The following SUSD4 variants were observed in gnomAD, a reference collection of about 807,000 sequenced individuals.
The protein encoded by SUSD4 is sushi domain containing 4.
In SUSD4, 41 loss-of-function variants were observed where a neutral mutation model predicts 50.5. The observed-to-expected ratio is 0.81, with a 90% CI of 0.63 to 1.05. The LOEUF (loss-of-function observed/expected upper bound fraction) is 1.05, where lower values mean the gene tolerates loss of function less well. SUSD4 is among the 50% of genes least tolerant of loss of function. The probability of loss-of-function intolerance (pLI) is 0.00; values close to 1 mark genes in which losing one functional copy is unlikely to be tolerated. For synonymous variants in SUSD4, 257 were observed against 257.3 expected (o/e 1.00, Z 0.01); for missense variants, 580 against 634.7 (o/e 0.91, Z 0.93).
chr1:223,262,255 A>T (rs899430305), intron 5 of SUSD4, among the ~76,000 whole-genome samples: 1 of 152,202 alleles, frequency 6.6e-6, no homozygotes, highest in African/African-American at 2.4e-5. Context: ...AGAACTGTCC[A>T]CACCATTACT....
At chr1:223,269,744 T>C (rs76028493) in intron 3 of SUSD4, among the ~76,000 whole-genome samples, 6,057 of 152,316 alleles carry the variant, frequency 0.04, 401 homozygotes, top group African/African-American at 0.14. Flanking sequence ...TTGTGAATCA[T>C]AGAAATTTCC....
chr1:223,246,075 A>G (rs1660903527), intron 5 of SUSD4, among the ~76,000 whole-genome samples: 1 of 152,158 alleles, frequency 6.6e-6, no homozygotes, highest in Non-Finnish European at 1.5e-5. Flanking sequence ...AATAATCTTT[A>G]CAGCCACGGG....
At chr1:223,336,593 C>T (rs1221656824) in intron 2 of SUSD4, among the ~76,000 whole-genome samples, 1 of 152,118 alleles carries the variant, frequency 6.6e-6, no homozygotes, top group Non-Finnish European at 1.5e-5. Context: ...GAATTCATGC[C>T]TGTGTCTTAT....
At chr1:223,247,912 G>A (rs1218389439) in intron 5 of SUSD4, among the ~76,000 whole-genome samples, 1 of 152,220 alleles carries the variant, frequency 6.6e-6, no homozygotes, top group Non-Finnish European at 1.5e-5. Flanking sequence ...AGTGGAGCCA[G>A]TATGCAAATT....
intron 2 of SUSD4, among the ~76,000 whole-genome samples, chr1:223,293,282 C>T (rs1196121957): frequency 6.6e-6 from 1 of 152,172 alleles, no homozygotes; most frequent in Non-Finnish European, 1.5e-5. Context: ...AGTTTCTCCT[C>T]CACCCGGCTG....
chr1:223,277,452 A>G (rs1663362322), intron 3 of SUSD4, among the ~76,000 whole-genome samples: 1 of 152,060 alleles, frequency 6.6e-6, no homozygotes, highest in African/African-American at 2.4e-5. Context: ...GGACCCTGGG[A>G]CAAAAAGCAC....
At chr1:223,317,851 C>CTTTTTTTTTTTTTTTTTTTTTT (rs1172641015) in intron 2 of SUSD4, among the ~76,000 whole-genome samples, 141 of 100,672 alleles carry the variant, frequency 1.4e-3, no homozygotes, top group East Asian at 2.1e-3. Flanking sequence ...TTTTTTTTTT[C>CTTTTTTTTTTTTTTTTTTTTTT]TTTTTTTTTT....
chr1:223,292,425 A>C lies in SUSD4; in HGVS notation c.361+14T>G, dbSNP rs777971415. On this transcript the variant is annotated intron_variant, in intron 3 of 8. Coordinates refer to ENST00000366878, the MANE Select transcript of SUSD4 (RefSeq NM_017982.4). ...ACCACATGAGTGGCTTCCGTGGAGA[A>C]GTAAGCACTTTACCTTCTTGCACAC... 1 of 1,614,072 alleles carries C rather than the reference A, an allele frequency of 6.2e-7. No homozygotes were observed. Among genetic ancestry groups the C allele is most frequent in the South Asian group, 1.1e-5 (1 of 91,086 alleles).
At chr1:223,319,035 G>C (rs1331722347) in intron 2 of SUSD4, among the ~76,000 whole-genome samples, 9 of 45,572 alleles carry the variant, frequency 2.0e-4, no homozygotes, top group South Asian at 8.0e-4. Context: ...ACAAACCTGA[G>C]AAAAACAAGC....
At position 223,326,432 on chromosome 1, in the gene SUSD4, C is replaced by T. The variant is rs182961903; in HGVS notation, c.149-33781G>A. 2.0e-3 allele frequency among the ~76,000 whole-genome samples: 300 copies of T among 152,056 alleles called. 3 individuals carry two copies. The highest frequency in any genetic ancestry group is 6.9e-3 in the African/African-American group (285 of 41,496). On this transcript the variant is annotated intron_variant, in intron 2 of 8. Coordinates refer to ENST00000366878, the MANE Select transcript of SUSD4 (RefSeq NM_017982.4). ...TGGAAAAACTTTTCTAAACATCAGC[C>T]TAGGCAAAGAATTCATGACTAAGAC...
chr1:223,223,351 TG>T lies in SUSD4; in HGVS notation c.1341del (p.Arg448GlyfsTer15), dbSNP rs781479861. ...GCAGGGTGGGTGCTCTCTTGGCACC[TG>T]GGAGGTGAATACAGACTTTGGAGCA... ...SELLQSLYSP[P>X]RCQESTHPAS... On this transcript the variant is annotated frameshift_variant, in exon 8 of 9. Coordinates refer to ENST00000366878, the MANE Select transcript of SUSD4 (RefSeq NM_017982.4). LOFTEE classifies it high-confidence loss of function. 47 of 1,613,010 alleles carry T rather than the reference TG, an allele frequency of 2.9e-5. No homozygotes were observed. Among genetic ancestry groups the T allele is most frequent in the Non-Finnish European group, 3.9e-5 (46 of 1,179,550 alleles).
At chr1:223,304,940 G>C (rs1415497996) in intron 2 of SUSD4, among the ~76,000 whole-genome samples, 1 of 148,740 alleles carries the variant, frequency 6.7e-6, no homozygotes, top group Non-Finnish European at 1.5e-5. Flanking sequence ...AATTCCTAGA[G>C]CCATGTTAAT....
chr1:223,266,850 A>G (rs1416909559), intron 4 of SUSD4, among the ~76,000 whole-genome samples: 1 of 152,148 alleles, frequency 6.6e-6, no homozygotes, highest in Non-Finnish European at 1.5e-5. Flanking sequence ...CTCATTTCCT[A>G]TGGTGTGCCA....
At chr1:223,236,239 T>G (rs1043632922) in intron 5 of SUSD4, among the ~76,000 whole-genome samples, 7 of 152,236 alleles carry the variant, frequency 4.6e-5, no homozygotes, top group Admixed American at 1.3e-4. Flanking sequence ...TTTGAATATT[T>G]TGGATAACAG....
At chr1:223,354,257 C>T (rs1041154164) in intron 2 of SUSD4, among the ~76,000 whole-genome samples, 26 of 151,230 alleles carry the variant, frequency 1.7e-4, no homozygotes, top group African/African-American at 5.8e-4. Context: ...GAGGAGCAAT[C>T]AATTGCCAGA....
intron 5 of SUSD4, among the ~76,000 whole-genome samples, chr1:223,260,829 G>A (rs1427443924): frequency 2.0e-5 from 3 of 152,310 alleles, no homozygotes; most frequent in East Asian, 1.9e-4. Context: ...CACCTTTGGT[G>A]AGGCTGCCAA....
At chr1:223,308,842 T>G (rs1665706962) in intron 2 of SUSD4, among the ~76,000 whole-genome samples, 1 of 152,158 alleles carries the variant, frequency 6.6e-6, no homozygotes, top group African/African-American at 2.4e-5. Flanking sequence ...CCCCTACTAC[T>G]GGAATGGCAT....
intron 3 of SUSD4, among the ~76,000 whole-genome samples, chr1:223,284,997 A>C (rs1327733194): frequency 6.6e-6 from 1 of 152,186 alleles, no homozygotes; most frequent in South Asian, 2.1e-4. Flanking sequence ...GTTTCAAATC[A>C]TAAGAAGGAA....
chr1:223,227,777 G>T lies in SUSD4; in HGVS notation c.917-39C>A. On this transcript the variant is annotated intron_variant, in intron 6 of 8. Coordinates refer to ENST00000366878, the MANE Select transcript of SUSD4 (RefSeq NM_017982.4). This position sits in a 1 kb window ranked among gnomAD's most constrained non-coding sequence, Gnocchi z 4.5. ...AACAAAGCTGTACGTGAGGCTCCCA[G>T]ACCATGAGAGGTGCCGAGGTTCCCC... 6.4e-7 allele frequency: 1 copy of T among 1,570,316 alleles called. No homozygotes were observed.
Sources: gnomAD v4.1 joint callset for allele counts (sites outside exome capture counted in the v4.1 genomes callset) on GRCh38, gnomAD v4.1.1 for gene constraint, Gnocchi (gnomAD v3.1) non-coding constraint, MANE v1.5 for transcripts, NCBI Gene and HGNC (gene_info 2026-07-23, HGNC 2026-07-21) for gene names.